PAM: variants seen among roughly 807,000 people sequenced by gnomAD.
The protein encoded by PAM is peptidyl-glycine alpha-amidating monooxygenase.
PAM carries 72 observed loss-of-function variants against 122.1 expected under a neutral mutation model. The ratio of observed to expected loss-of-function variants is 0.59; its 90% CI spans 0.49 to 0.72. The LOEUF (loss-of-function observed/expected upper bound fraction) is 0.72. Ranked by LOEUF, PAM falls within the 30% of genes least tolerant of loss-of-function variation. PAM has a pLI of 0.00. For missense variants in PAM, 1,106 were observed against 1,183.7 expected (o/e 0.93, Z 0.96); for synonymous variants, 389 against 404.4 (o/e 0.96, Z 0.46).
intron 4 of PAM, among the ~76,000 whole-genome samples, chr5:102,909,986 T>G (rs1233610654): frequency 6.6e-6 from 1 of 151,862 alleles, no homozygotes; most frequent in African/African-American, 2.4e-5. Flanking sequence ...TTCCTGCCAT[T>G]TCCAATGGTA....
intron 4 of PAM, among the ~76,000 whole-genome samples, chr5:102,903,573 T>C (rs1798626281): frequency 6.6e-6 from 1 of 151,542 alleles, no homozygotes; most frequent in Non-Finnish European, 1.5e-5. Flanking sequence ...TTCTCATTTA[T>C]GTAACGGCTG....
chr5:102,903,918 C>A (rs575734023), intron 4 of PAM, among the ~76,000 whole-genome samples: 1 of 151,672 alleles, frequency 6.6e-6, no homozygotes, highest in East Asian at 2.0e-4. Flanking sequence ...ACTGGATACA[C>A]TCTGGCCAGT....
In PAM at chr5:102,858,491, C is replaced by G. The variant is rs373411244; in HGVS notation, c.-373-7332C>G. On this transcript the variant is annotated intron_variant, in intron 1 of 25. Transcript: ENST00000438793. Reference sequence around the variant, plus strand: ...GGTTCAGCCCAAAATGTTGATAGTGCTGAACTTAAGAAGCTCTGCATTACA... The same window carrying G: ...GGTTCAGCCCAAAATGTTGATAGTGGTGAACTTAAGAAGCTCTGCATTACA... 2.3e-4 allele frequency among the ~76,000 whole-genome samples: 35 copies of G among 152,298 alleles called. 1 individual carries two copies. The highest frequency in any genetic ancestry group is 8.4e-4 in the African/African-American group (35 of 41,566).
chr5:102,955,809 G>A (rs1530082), intron 12 of PAM, among the ~76,000 whole-genome samples: 26 of 151,350 alleles, frequency 1.7e-4, no homozygotes, highest in Admixed American at 5.9e-4. Flanking sequence ...TGTTGATCTC[G>A]GTGGAAATTA....
At chr5:103,005,468 G>T (rs527777664) in intron 18 of PAM, among the ~76,000 whole-genome samples, 20 of 152,184 alleles carry the variant, frequency 1.3e-4, no homozygotes, top group Non-Finnish European at 2.6e-4. Context: ...TTCAAGAACA[G>T]GGTGCCAGCA....
At chr5:102,968,409 A>T (rs1248876416) in intron 14 of PAM, among the ~76,000 whole-genome samples, 1 of 152,164 alleles carries the variant, frequency 6.6e-6, no homozygotes, top group Non-Finnish European at 1.5e-5. Context: ...TTGTTTCCTC[A>T]TATAAAATAA....
intron 1 of PAM, among the ~76,000 whole-genome samples, chr5:102,760,722 G>A (rs1340129399): frequency 6.6e-6 from 1 of 152,206 alleles, no homozygotes; most frequent in Admixed American, 6.5e-5. Flanking sequence ...TGTTGATTTC[G>A]ACAGCATAAA....
rs564390545 is a variant in PAM, at chr5:102,777,815, G to C, written c.-374+22467G>C. Among the ~76,000 whole-genome samples, 13 of 152,254 alleles carry C rather than the reference G, an allele frequency of 8.5e-5. No homozygotes were observed. The South Asian group carries it at 2.7e-3, about 32-fold the overall frequency. ...CCTTTTTAATTTTCCCTACAAAGCA[G>C]AGGTCATTTAAGCTATTGTTTTCTG... On this transcript the variant is annotated intron_variant, in intron 1 of 25. Coordinates refer to ENST00000438793, the MANE Select transcript of PAM (RefSeq NM_001177306.2).
chr5:102,907,978 T>C (rs1359965737), intron 4 of PAM, among the ~76,000 whole-genome samples: 2 of 151,954 alleles, frequency 1.3e-5, no homozygotes, highest in African/African-American at 4.8e-5. Flanking sequence ...TTAGTTTAAT[T>C]AGATCCCATT....
chr5:102,918,167 TA>T lies in PAM; in HGVS notation c.356+4149del, dbSNP rs147205213. Among the ~76,000 whole-genome samples the T allele has an allele frequency of 7.3e-3, 1,112 of 152,220 alleles. 8 individuals are homozygous for T. Among genetic ancestry groups the T allele is most frequent in the Non-Finnish European group, 0.012 (843 of 68,002 alleles). On this transcript the variant is annotated intron_variant, in intron 5 of 25. Coordinates refer to ENST00000438793, the MANE Select transcript of PAM (RefSeq NM_001177306.2). ...AAAGAAGCAGCTCTGCTGACCCATGTAAAGAAAGTGACAGTACCTGTCAGAT... is the reference window on the plus strand; with the variant it reads ...AAAGAAGCAGCTCTGCTGACCCATGTAAGAAAGTGACAGTACCTGTCAGAT...
intron 7 of PAM, among the ~76,000 whole-genome samples, chr5:102,929,300 A>T (rs773417295): frequency 6.6e-6 from 1 of 152,172 alleles, no homozygotes; most frequent in Non-Finnish European, 1.5e-5. Context: ...TTGTGATCTC[A>T]TACTTATCTC....
chr5:102,876,921 C>T (rs1789408387), intron 3 of PAM, among the ~76,000 whole-genome samples: 1 of 152,180 alleles, frequency 6.6e-6, no homozygotes, highest in Admixed American at 6.5e-5. Flanking sequence ...AGGGATATGG[C>T]ATTGAGCTGT....
intron 12 of PAM, among the ~76,000 whole-genome samples, chr5:102,954,580 C>T (rs1467001171): frequency 6.6e-6 from 1 of 151,472 alleles, no homozygotes; most frequent in Non-Finnish European, 1.5e-5. Flanking sequence ...TAAAGTTGCA[C>T]CAAAGTATTA....
intron 1 of PAM, among the ~76,000 whole-genome samples, chr5:102,828,544 G>A (rs1774356511): frequency 1.3e-5 from 2 of 152,110 alleles, no homozygotes; most frequent in Admixed American, 6.6e-5. Context: ...GATTGGCCTA[G>A]TGTAGGTTAC....
intron 1 of PAM, among the ~76,000 whole-genome samples, chr5:102,801,772 ATTTTTT>A (rs36068804): frequency 2.0e-5 from 2 of 98,976 alleles, no homozygotes; most frequent in Non-Finnish European, 3.9e-5. Flanking sequence ...GGGAAAAGGT[ATTTTTT>A]TTTTTTTTTT....
chr5:102,831,469 T>G (rs1299068152), intron 1 of PAM, among the ~76,000 whole-genome samples: 3 of 152,072 alleles, frequency 2.0e-5, no homozygotes, highest in Non-Finnish European at 2.9e-5. Flanking sequence ...CCATGAGCTT[T>G]TTTAAGGACA....
intron 1 of PAM, among the ~76,000 whole-genome samples, chr5:102,785,882 A>T (rs917437440): frequency 1.3e-5 from 2 of 148,602 alleles, no homozygotes; most frequent in Non-Finnish European, 3.0e-5. Context: ...TCATTCATTC[A>T]AGTGGTTATA....
At chr5:102,948,337 C>A (rs1171951421) in intron 8 of PAM, 41 bp from the exon 9 acceptor site, 1 of 1,141,092 alleles carries the variant, frequency 8.8e-7, no homozygotes, top group East Asian at 2.4e-5. Flanking sequence ...GTCATTTTGA[C>A]TTTTTCAGGT....
At chr5:103,000,290 AC>A (rs1210877769) in intron 16 of PAM, among the ~76,000 whole-genome samples, 1 of 152,128 alleles carries the variant, frequency 6.6e-6, no homozygotes, top group East Asian at 1.9e-4. Context: ...ACATAGCAAG[AC>A]CTTTATTCCA....
Sources: allele counts gnomAD v4.1 joint callset (sites outside exome capture counted in the v4.1 genomes callset), GRCh38; gene constraint gnomAD v4.1.1; transcripts MANE v1.5; gene names NCBI Gene and HGNC (gene_info 2026-07-23, HGNC 2026-07-21).